KIAA0319L: variants seen among roughly 807,000 people sequenced by gnomAD.
The protein encoded by KIAA0319L is dyslexia-associated protein KIAA0319-like protein.
A neutral mutation model predicts 120.1 loss-of-function variants in KIAA0319L; 55 were observed. The ratio of observed to expected loss-of-function variants is 0.46; its 90% CI spans 0.37 to 0.57. The LOEUF (loss-of-function observed/expected upper bound fraction) is 0.57. KIAA0319L is among the 20% of genes least tolerant of loss of function. The pLI is 0.00. For missense variants in KIAA0319L, 1,049 were observed against 1,255.3 expected (o/e 0.84, Z 2.48); for synonymous variants, 398 against 471.9 (o/e 0.84, Z 2.03).
chr1:35,470,943 C>T lies in KIAA0319L; in HGVS notation c.1033G>A (p.Asp345Asn), dbSNP rs776394136. Residue 345 changes from aspartate to asparagine, a missense_variant, in exon 6 of 21, where the codon GAC (aspartate) becomes AAC (asparagine). Coordinates refer to ENST00000325722, the MANE Select transcript of KIAA0319L (RefSeq NM_024874.5). ...CTAGGATGAGTAATCAGCTGCCAGT[C>T]GTAGGTGTAGGTTTCTCCTATAGAA... Reference protein sequence around the residue: ...EPPKGETYTYDWQLITHPRDY... With the variant: ...EPPKGETYTYNWQLITHPRDY... 22 of 1,610,648 alleles carry T rather than the reference C, an allele frequency of 1.4e-5. No individual in the cohort carries two copies. In the Middle Eastern group the frequency reaches 4.9e-4, roughly 36 times the overall value.
intron 8 of KIAA0319L, 78 bp downstream of exon 8, chr1:35,462,543 C>A: frequency 8.0e-7 from 1 of 1,242,338 alleles, no homozygotes; most frequent in South Asian, 1.2e-5. Flanking sequence ...CAGCTGGCCC[C>A]AAATCTTCTA....
chr1:35,519,763 G>A (rs537270171), intron 2 of KIAA0319L, among the ~76,000 whole-genome samples: 1 of 152,258 alleles, frequency 6.6e-6, no homozygotes, highest in African/African-American at 2.4e-5. Context: ...CTAAAACTAT[G>A]AGCATAGATG....
chr1:35,462,382 T>C (rs1407983503), intron 8 of KIAA0319L, among the ~76,000 whole-genome samples: 2 of 152,198 alleles, frequency 1.3e-5, no homozygotes, highest in Admixed American at 6.5e-5. Flanking sequence ...TTCAGTTTCT[T>C]ACCATCTCAA....
intron 19 of KIAA0319L, 21 bp from the exon 20 acceptor site, chr1:35,441,159 C>T: frequency 1.2e-6 from 2 of 1,606,656 alleles, no homozygotes; most frequent in Non-Finnish European, 1.7e-6. Context: ...CAACCCCCAC[C>T]CCTGCTCAGG....
Position 35,456,000 on chromosome 1 carries a change from C to G in KIAA0319L, c.1656+13G>C. The G allele has an allele frequency of 6.3e-7, 1 of 1,588,644 alleles. No individual in the cohort carries two copies. Among genetic ancestry groups the G allele is most frequent in the Non-Finnish European group, 8.6e-7 (1 of 1,161,906 alleles). ...CTCTTGGGCAAGAAAAAATAGGAAC[C>G]ATTCCCTCCTACCTGCATCTCCACC... On this transcript the variant is annotated intron_variant, in intron 10 of 20. Coordinates refer to ENST00000325722, the MANE Select transcript of KIAA0319L (RefSeq NM_024874.5).
intron 2 of KIAA0319L, among the ~76,000 whole-genome samples, chr1:35,511,784 T>C (rs928453474): frequency 3.3e-5 from 5 of 152,190 alleles, no homozygotes; most frequent in Non-Finnish European, 5.9e-5. Flanking sequence ...TCTGTCAGTA[T>C]GGAAATAGTT....
intron 2 of KIAA0319L, among the ~76,000 whole-genome samples, chr1:35,514,667 G>A (rs1190110089): frequency 6.6e-6 from 1 of 152,108 alleles, no homozygotes; most frequent in African/African-American, 2.4e-5. Context: ...ATGGTTAAAG[G>A]GTCAATTCAA....
chr1:35,458,389 T>C (rs765017181), intron 9 of KIAA0319L, among the ~76,000 whole-genome samples: 8 of 152,148 alleles, frequency 5.3e-5, no homozygotes, highest in Non-Finnish European at 1.2e-4. Flanking sequence ...AGCAGCTGAC[T>C]ATAGGGCTGA....
At chr1:35,464,965 A>T (rs1279073160) in intron 7 of KIAA0319L, among the ~76,000 whole-genome samples, 1 of 151,148 alleles carries the variant, frequency 6.6e-6, no homozygotes, top group African/African-American at 2.4e-5. Flanking sequence ...GAGGTTTGGG[A>T]ACTTCCGCCT....
chr1:35,521,651 AAAAT>A (rs546579133), intron 2 of KIAA0319L, among the ~76,000 whole-genome samples: 2 of 147,720 alleles, frequency 1.4e-5, no homozygotes, highest in Non-Finnish European at 1.5e-5. Flanking sequence ...TAATAATAAT[AAAAT>A]AAATAAATAA....
intron 7 of KIAA0319L, among the ~76,000 whole-genome samples, chr1:35,464,285 A>G (rs1193652699): frequency 1.3e-5 from 2 of 152,212 alleles, no homozygotes; most frequent in Non-Finnish European, 2.9e-5. Context: ...CAAAATGCTA[A>G]TAGCAATATG....
At position 35,435,038 on chromosome 1, in the gene KIAA0319L, G is replaced by A; in HGVS notation, c.3006C>T (p.His1002=). 6.2e-7 allele frequency: 1 copy of A among 1,614,206 alleles called. No individual in the cohort carries two copies. The highest frequency in any genetic ancestry group is 8.5e-7 in the Non-Finnish European group (1 of 1,180,022). Residue 1002 remains histidine (H), a synonymous_variant, in exon 21 of 21, where the codon CAC becomes CAT. Coordinates refer to ENST00000325722, the MANE Select transcript of KIAA0319L (RefSeq NM_024874.5). ...KGLLLSSSLM[H]SESELDSDDA... ...CATCGCTGTCCAGCTCTGACTCGGAGTGCATCAGGCTGCTACTTAGCAAAA... is the reference window on the plus strand; with the variant it reads ...CATCGCTGTCCAGCTCTGACTCGGAATGCATCAGGCTGCTACTTAGCAAAA...
At chr1:35,468,119 G>A (rs1171860171) in intron 6 of KIAA0319L, among the ~76,000 whole-genome samples, 1 of 151,720 alleles carries the variant, frequency 6.6e-6, no homozygotes, top group Non-Finnish European at 1.5e-5. Context: ...GACTAATGCT[G>A]TAACAAACAT....
intron 3 of KIAA0319L, among the ~76,000 whole-genome samples, chr1:35,494,444 G>A (rs975088712): frequency 3.3e-4 from 50 of 151,752 alleles, no homozygotes; most frequent in African/African-American, 1.0e-3. Flanking sequence ...GTGAGACTCC[G>A]TCTCAAAAAA....
At chr1:35,487,319 T>C (rs898188024) in intron 3 of KIAA0319L, among the ~76,000 whole-genome samples, 1 of 152,092 alleles carries the variant, frequency 6.6e-6, no homozygotes, top group Non-Finnish European at 1.5e-5. Context: ...CAGTGTGATC[T>C]TCTCAGCTCA....
At chr1:35,439,106 AC>A (rs1427856132) in intron 20 of KIAA0319L, 2 of 152,164 alleles carry the variant, frequency 1.3e-5, no homozygotes, top group Non-Finnish European at 2.9e-5. Context: ...CTCAGCAGGG[AC>A]CCTGCTCATC....
At chr1:35,516,499 A>T (rs1212497349) in intron 2 of KIAA0319L, among the ~76,000 whole-genome samples, 1 of 152,194 alleles carries the variant, frequency 6.6e-6, no homozygotes, top group Non-Finnish European at 1.5e-5. Flanking sequence ...AAAATTCAAC[A>T]TCCCTTCATG....
At chr1:35,523,191 A>G (rs1479575194) in intron 2 of KIAA0319L, among the ~76,000 whole-genome samples, 2 of 151,458 alleles carry the variant, frequency 1.3e-5, no homozygotes, top group Non-Finnish European at 2.9e-5. Context: ...TGCCTCCTCT[A>G]CCTAGAACTC....
At chr1:35,459,712 A>G (rs1411041675) in intron 9 of KIAA0319L, among the ~76,000 whole-genome samples, 1 of 152,150 alleles carries the variant, frequency 6.6e-6, no homozygotes, top group African/African-American at 2.4e-5. Context: ...TTTGTATGAT[A>G]CTCATATATT....
Sources: allele counts gnomAD v4.1 joint callset (sites outside exome capture counted in the v4.1 genomes callset), GRCh38; gene constraint gnomAD v4.1.1; transcripts MANE v1.5; gene names NCBI Gene and HGNC (gene_info 2026-07-23, HGNC 2026-07-21).